NELL2: variants seen among roughly 807,000 people sequenced by gnomAD.
The protein encoded by NELL2 is neural EGFL like 2.
A neutral mutation model predicts 109.6 loss-of-function variants in NELL2; 41 were observed. The observed-to-expected ratio is 0.37, with a 90% confidence interval of 0.29 to 0.49. NELL2 has a LOEUF of 0.49. Among genes scored for constraint, NELL2 ranks in the 20% least tolerant of loss-of-function variants. NELL2 has a pLI of 0.98. For missense variants in NELL2, 900 were observed against 1,008.3 expected, an observed-to-expected ratio of 0.89 and a Z score of 1.45; for synonymous variants, 355 against 344.7, an observed-to-expected ratio of 1.03 and a Z score of -0.33.
At chr12:44,693,813 G>A (rs1384594723) in intron 12 of NELL2, among the ~76,000 whole-genome samples, 1 of 152,158 alleles carries the variant, frequency 6.6e-6, no homozygotes, top group Admixed American at 6.5e-5. Flanking sequence ...TTTAATTGAA[G>A]AAGGAATGAT....
At chr12:44,895,136 G>C (rs1297201077) in intron 1 of NELL2, among the ~76,000 whole-genome samples, 1 of 152,132 alleles carries the variant, frequency 6.6e-6, no homozygotes, top group Non-Finnish European at 1.5e-5. Context: ...AAGCCTGATG[G>C]AGAAAGGAAA....
chr12:44,730,476 A>C (rs1939311314), intron 9 of NELL2, among the ~76,000 whole-genome samples: 1 of 152,174 alleles, frequency 6.6e-6, no homozygotes, highest in Non-Finnish European at 1.5e-5. Flanking sequence ...AGTCAGTAGC[A>C]CTAGGAAAAC....
intron 9 of NELL2, among the ~76,000 whole-genome samples, chr12:44,765,883 G>A (rs1941310509): frequency 6.6e-6 from 1 of 152,132 alleles, no homozygotes; most frequent in Non-Finnish European, 1.5e-5. Context: ...TGAGCACTTT[G>A]GGAGGCCGAG....
At chr12:44,748,520 A>G (rs920358799) in intron 9 of NELL2, among the ~76,000 whole-genome samples, 2 of 152,198 alleles carry the variant, frequency 1.3e-5, no homozygotes, top group Admixed American at 1.3e-4. Flanking sequence ...TTATTCATGC[A>G]AATGAATCAA....
intron 2 of NELL2, among the ~76,000 whole-genome samples, chr12:44,866,169 C>G (rs1393772092): frequency 6.6e-6 from 1 of 152,218 alleles, no homozygotes; most frequent in Admixed American, 6.5e-5. Flanking sequence ...GACACCAAAT[C>G]TGCTGGCACC....
At chr12:44,794,394 C>T (rs1470767496) in intron 3 of NELL2, among the ~76,000 whole-genome samples, 2 of 152,088 alleles carry the variant, frequency 1.3e-5, no homozygotes, top group Non-Finnish European at 2.9e-5. Flanking sequence ...CAATTGGAGG[C>T]AAGACCATGA....
At chr12:44,576,041 A>G (rs1460505023) in intron 15 of NELL2, among the ~76,000 whole-genome samples, 2 of 152,074 alleles carry the variant, frequency 1.3e-5, no homozygotes, top group Non-Finnish European at 2.9e-5. Context: ...CCGTTCCTCA[A>G]ATGTGCCATG....
chr12:44,708,833 T>C (rs1019349739), intron 11 of NELL2, among the ~76,000 whole-genome samples: 2 of 152,176 alleles, frequency 1.3e-5, no homozygotes, highest in African/African-American at 4.8e-5. Flanking sequence ...GAATCTCAGA[T>C]GGAGGAAGTA....
intron 3 of NELL2, among the ~76,000 whole-genome samples, chr12:44,800,615 C>CCCCT: frequency 6.6e-6 from 1 of 152,246 alleles, no homozygotes; most frequent in East Asian, 1.9e-4. Context: ...ACTCTCAAAG[C>CCCCT]CCCTGAATGT....
At chr12:44,819,611 G>A (rs576566393) in intron 2 of NELL2, among the ~76,000 whole-genome samples, 1 of 152,270 alleles carries the variant, frequency 6.6e-6, no homozygotes, top group African/African-American at 2.4e-5. Flanking sequence ...CACCAGGGTG[G>A]TAGATGGGGT....
intron 12 of NELL2, among the ~76,000 whole-genome samples, chr12:44,696,281 G>T (rs1949060421): frequency 6.6e-6 from 1 of 152,140 alleles, no homozygotes; most frequent in Admixed American, 6.5e-5. Context: ...TCCAACTCTG[G>T]CACATCACAT....
intron 2 of NELL2, among the ~76,000 whole-genome samples, chr12:44,853,555 C>T (rs1944592036): frequency 6.6e-6 from 1 of 152,024 alleles, no homozygotes; most frequent in African/African-American, 2.4e-5. Context: ...AACATAAAGC[C>T]TAGAGTCATA....
intron 13 of NELL2, among the ~76,000 whole-genome samples, chr12:44,618,228 A>T (rs926856692): frequency 6.6e-6 from 1 of 152,196 alleles, no homozygotes; most frequent in Non-Finnish European, 1.5e-5. Flanking sequence ...AGGCATTTTT[A>T]ATTCACTATT....
At chr12:44,629,424 G>A (rs1183464525) in intron 13 of NELL2, among the ~76,000 whole-genome samples, 3 of 152,182 alleles carry the variant, frequency 2.0e-5, no homozygotes, top group Non-Finnish European at 2.9e-5. Context: ...GAAACATTGT[G>A]TTTAGGAGTA....
chr12:44,621,080 A>C (rs1946039735), intron 13 of NELL2, among the ~76,000 whole-genome samples: 1 of 152,080 alleles, frequency 6.6e-6, no homozygotes, highest in Non-Finnish European at 1.5e-5. Flanking sequence ...TACCCACTGC[A>C]ACTTCTAGTA....
At chr12:44,530,567 A>G (rs1481404970) in intron 16 of NELL2, among the ~76,000 whole-genome samples, 1 of 152,156 alleles carries the variant, frequency 6.6e-6, no homozygotes, top group Non-Finnish European at 1.5e-5. Flanking sequence ...ACTTGATGCT[A>G]ACAAATATAA....
intron 9 of NELL2, among the ~76,000 whole-genome samples, chr12:44,718,986 T>C (rs1040635928): frequency 6.6e-6 from 1 of 152,154 alleles, no homozygotes; most frequent in South Asian, 2.1e-4. Flanking sequence ...AGAAATTCAA[T>C]AGGACAATAT....
rs565768809 is a variant in NELL2, at chr12:44,559,034, G to A, written c.1664-26313C>T. On this transcript the variant is annotated intron_variant, in intron 15 of 19. Coordinates refer to ENST00000429094, the MANE Select transcript of NELL2 (RefSeq NM_001145108.2). ...TGAAGCTTGAGTAGATGGTTTTCCC[G>A]TCATGGTGTAAACAAAGCCAGAATT... Among the ~76,000 whole-genome samples, 274 of 152,168 alleles carry A rather than the reference G, an allele frequency of 1.8e-3. 1 individual carries two copies. Among genetic ancestry groups the A allele is most frequent in the Non-Finnish European group, 2.8e-3 (188 of 67,978 alleles).
intron 15 of NELL2, among the ~76,000 whole-genome samples, chr12:44,577,958 C>T (rs1030359311): frequency 1.3e-5 from 2 of 152,158 alleles, no homozygotes; most frequent in Non-Finnish European, 2.9e-5. Context: ...CTTTTGAAGT[C>T]CTCACATGCT....
Sources: gnomAD v4.1 joint callset for allele counts (sites outside exome capture counted in the v4.1 genomes callset) on GRCh38, gnomAD v4.1.1 for gene constraint, MANE v1.5 for transcripts, NCBI Gene and HGNC (gene_info 2026-07-23, HGNC 2026-07-21) for gene names.